PCDH10: variants seen among roughly 807,000 people sequenced by gnomAD.
PCDH10 encodes protocadherin 10.
PCDH10 carries 15 observed loss-of-function variants against 74.4 expected under a neutral mutation model. That is an observed-to-expected ratio of 0.20 (90% CI 0.13 to 0.31). The LOEUF (loss-of-function observed/expected upper bound fraction) is 0.31. PCDH10 is among the 10% of genes least tolerant of loss of function. PCDH10 has a pLI of 1.00. For missense variants in PCDH10, 1,260 were observed against 1,390.2 expected (o/e 0.91, Z 1.49); for synonymous variants, 619 against 589.8 (o/e 1.05, Z -0.72).
At chr4:133,202,728 C>A (rs779321802) in intron 2 of PCDH10, among the ~76,000 whole-genome samples, 1 of 151,992 alleles carries the variant, frequency 6.6e-6, no homozygotes, top group Non-Finnish European at 1.5e-5. Flanking sequence ...GTTATGCTGA[C>A]CTTTTTATCC....
downstream of PCDH10, among the ~76,000 whole-genome samples, chr4:133,197,819 G>T (rs1305727095): frequency 6.6e-6 from 1 of 152,056 alleles, no homozygotes; most frequent in Non-Finnish European, 1.5e-5. Context: ...AGGAAGAAAA[G>T]AAGTGTTGGC....
intron 2 of PCDH10, among the ~76,000 whole-genome samples, chr4:133,204,366 G>T (rs755259015): frequency 6.6e-6 from 1 of 152,130 alleles, no homozygotes; most frequent in African/African-American, 2.4e-5. Context: ...AGGTCACTAC[G>T]TTAGATGCTG....
Position 133,150,624 on chromosome 4 carries a change from A to AC in PCDH10, c.489dup (p.Asn164GlnfsTer19). The AC allele has an allele frequency of 6.2e-7, 1 of 1,612,782 alleles. No homozygotes were observed. The highest frequency in any genetic ancestry group is 8.5e-7 in the Non-Finnish European group (1 of 1,179,864). On this transcript the variant is annotated frameshift_variant, in exon 1 of 5. Transcript: ENST00000264360. LOFTEE classifies it high-confidence loss of function. ...CAACTCCTTGCGCGACTACGAGATC[A>AC]CCCCCAACAGCTACTTCTCCCTGGA...
chr4:133,149,956 C>T lies in PCDH10; in HGVS notation c.-185C>T. The T allele has an allele frequency of 1.3e-6, 1 of 743,382 alleles. No homozygotes were observed. Among genetic ancestry groups the T allele is most frequent in the South Asian group, 3.7e-5 (1 of 26,814 alleles). The allele number at this position is 743,382 out of a possible 1,614,324, so 46.0% of individuals were successfully genotyped here. ...TGCTAAGATTTAAAAAAAAATGAGG[C>T]TGGATTGCGGGAAGCTCTAAAATGA... On this transcript the variant is annotated 5_prime_UTR_variant, in exon 1 of 5. Transcript: ENST00000264360.
intron 2 of PCDH10, among the ~76,000 whole-genome samples, chr4:133,205,297 G>A (rs1727979622): frequency 6.6e-6 from 1 of 152,136 alleles, no homozygotes; most frequent in South Asian, 2.1e-4. Flanking sequence ...TTAAGGACTT[G>A]GTCAGGCTTG....
At chr4:133,172,707 G>A (rs1727225641) in intron 4 of PCDH10, among the ~76,000 whole-genome samples, 1 of 151,956 alleles carries the variant, frequency 6.6e-6, no homozygotes, top group Non-Finnish European at 1.5e-5. Flanking sequence ...AATGGAGTAT[G>A]TTTGAGTTCC....
rs1400778520 is a variant in PCDH10, at chr4:133,170,482, A to G, written c.3103+7200A>G. Among the ~76,000 whole-genome samples, 3 of 152,286 alleles carry G rather than the reference A, an allele frequency of 2.0e-5. No individual in the cohort carries two copies. The East Asian group carries it at 5.8e-4, about 29-fold the overall frequency. On this transcript the variant is annotated intron_variant, in intron 4 of 4. Transcript: ENST00000264360. Reference sequence around the variant, plus strand: ...GATTCAGTGGTATGGATACACTCACATACATTTACATCCCATATAGAATCA... The same window carrying G: ...GATTCAGTGGTATGGATACACTCACGTACATTTACATCCCATATAGAATCA...
At chr4:133,204,347 A>T (rs1246425142) in intron 2 of PCDH10, among the ~76,000 whole-genome samples, 1 of 152,136 alleles carries the variant, frequency 6.6e-6, no homozygotes, top group East Asian at 1.9e-4. Flanking sequence ...TGTCCCAAGC[A>T]GCTAGTGAAG....
At position 133,193,801 on chromosome 4, in the gene PCDH10, C is replaced by G. The variant is rs1444901248; in HGVS notation, c.*3641C>G. On this transcript the variant is annotated 3_prime_UTR_variant, in exon 5 of 5. Coordinates refer to ENST00000264360, the MANE Select transcript of PCDH10 (RefSeq NM_032961.3). ...TGAAAATCTTATATTTTTCATATTA[C>G]AAATTCTTGAGTTCTTTATCTTTTT... The G allele has an allele frequency of 6.6e-6, 1 of 151,696 alleles. No individual in the cohort carries two copies. Among genetic ancestry groups the G allele is most frequent in the African/African-American group, 2.4e-5 (1 of 41,500 alleles). 9.4% of individuals were successfully genotyped at this position (151,696 alleles called of 1,614,324 possible).
At chr4:133,160,992 T>C (rs1045273226) in intron 3 of PCDH10, among the ~76,000 whole-genome samples, 9 of 152,110 alleles carry the variant, frequency 5.9e-5, no homozygotes, top group Non-Finnish European at 2.9e-5. Flanking sequence ...ACCTAGTTAG[T>C]ATGTAAATGT....
At chr4:133,152,904 G>C in intron 1 of PCDH10, 133 bp downstream of exon 1, 1 of 1,464,300 alleles carries the variant, frequency 6.8e-7, no homozygotes, top group Non-Finnish European at 9.0e-7. Context: ...TGTGGGAGCA[G>C]AGATGGGCGG....
At chr4:133,170,688 T>C (rs894993533) in intron 4 of PCDH10, among the ~76,000 whole-genome samples, 1 of 141,684 alleles carries the variant, frequency 7.1e-6, no homozygotes, top group African/African-American at 3.1e-5. Flanking sequence ...TAGTGTATTC[T>C]TTTTGTTTTT....
chr4:133,176,000 C>G (rs1727287776), intron 4 of PCDH10, among the ~76,000 whole-genome samples: 2 of 152,124 alleles, frequency 1.3e-5, no homozygotes, highest in African/African-American at 4.8e-5. Context: ...ATGTGGTATA[C>G]TTAGTAAATA....
intron 2 of PCDH10, among the ~76,000 whole-genome samples, chr4:133,205,775 C>A (rs937762048): frequency 6.6e-5 from 10 of 151,934 alleles, no homozygotes; most frequent in Non-Finnish European, 1.5e-4. Flanking sequence ...TTTATTACTA[C>A]TATTATTATT....
In PCDH10 at chr4:133,150,447, C is replaced by T. The variant is rs762372926; in HGVS notation, c.307C>T (p.Leu103=). 1.9e-6 allele frequency: 3 copies of T among 1,613,912 alleles called. No homozygotes were observed. The highest frequency in any genetic ancestry group is 3.3e-4 in the Middle Eastern group (2 of 6,084). ...CCTGGAGGTCTTTCTGGAGAACCCCCTGGAGCTGTTCCAGGTGGAGATCGA... is the reference window on the plus strand; with the variant it reads ...CCTGGAGGTCTTTCTGGAGAACCCCTTGGAGCTGTTCCAGGTGGAGATCGA... ...LHLEVFLENP[L]ELFQVEIEVL... Residue 103 remains leucine, a synonymous_variant, in exon 1 of 5, where the codon CTG becomes TTG. Coordinates refer to ENST00000264360, the MANE Select transcript of PCDH10 (RefSeq NM_032961.3).
chr4:133,163,155 C>A lies in PCDH10; in HGVS notation c.2976C>A (p.Ala992=), dbSNP rs757558335. ...CTGAGGTGTTTGAAACTCCAGAAGC[C>A]CAGCCTGGGGCAGAGCGGTCCTTTT... The part of the protein sequence containing the change: ...PDTEVFETPE[A]QPGAERSFST... The change falls in exon 4 of 5, where the codon GCC becomes GCA. Residue 992 remains alanine (A), a synonymous_variant. Transcript: ENST00000264360. 1.2e-6 allele frequency: 2 copies of A among 1,614,136 alleles called. No homozygotes were observed. Among genetic ancestry groups the A allele is most frequent in the Non-Finnish European group, 1.7e-6 (2 of 1,180,034 alleles).
chr4:133,153,942 A>G (rs1051237789), intron 1 of PCDH10: 1 of 199,800 alleles, frequency 5.0e-6, no homozygotes, highest in East Asian at 1.6e-4. Context: ...ATGCACCTAA[A>G]CACTTTTTTA....
At chr4:133,162,544 GA>G (rs1283379423) in intron 3 of PCDH10, among the ~76,000 whole-genome samples, 1 of 151,864 alleles carries the variant, frequency 6.6e-6, no homozygotes, top group South Asian at 2.1e-4. Context: ...TGTTTTTAAG[GA>G]AAAAAGTCAA....
At chr4:133,165,847 T>C (rs1727069506) in intron 4 of PCDH10, among the ~76,000 whole-genome samples, 2 of 151,726 alleles carry the variant, frequency 1.3e-5, no homozygotes, top group Admixed American at 1.3e-4. Context: ...ATACCTCCGA[T>C]TGCTAAAGTT....
Sources: gnomAD v4.1 joint callset for allele counts (sites outside exome capture counted in the v4.1 genomes callset) on GRCh38, gnomAD v4.1.1 for gene constraint, MANE v1.5 for transcripts, NCBI Gene and HGNC (gene_info 2026-07-23, HGNC 2026-07-21) for gene names.